The following PIK3C2G variants were observed in gnomAD, a reference collection of about 807,000 sequenced individuals.
PIK3C2G encodes the protein phosphatidylinositol-4-phosphate 3-kinase catalytic subunit type 2 gamma.
A neutral mutation model predicts 181.1 loss-of-function variants in PIK3C2G; 168 were observed. The ratio of observed to expected loss-of-function variants is 0.93; its 90% CI spans 0.82 to 1.05. PIK3C2G has a LOEUF of 1.05. Ranked by LOEUF, PIK3C2G falls within the 50% of genes least tolerant of loss-of-function variation. The pLI is 0.00. For synonymous variants in PIK3C2G, 573 were observed against 592.2 expected, an observed-to-expected ratio of 0.97 and a Z score of 0.47; for missense variants, 1,869 against 1,732.8, an observed-to-expected ratio of 1.08 and a Z score of -1.40.
intron 12 of PIK3C2G, chr12:18,363,219 A>G: frequency 6.2e-6 from 1 of 160,464 alleles, no homozygotes; most frequent in East Asian, 1.7e-4. Context: ...GTCCAGGTGT[A>G]ACAAAGAAAA....
At chr12:18,581,628 G>A (rs913383217) in intron 29 of PIK3C2G, among the ~76,000 whole-genome samples, 2 of 152,186 alleles carry the variant, frequency 1.3e-5, no homozygotes, top group Admixed American at 6.6e-5. Flanking sequence ...GGAGAGTGGG[G>A]CAAGAAGGAG....
At chr12:18,661,938 A>T in the PIK3C2G span, among the ~76,000 whole-genome samples, 1 of 152,190 alleles carries the variant, frequency 6.6e-6, no homozygotes, top group Admixed American at 6.5e-5. Flanking sequence ...ACACATCCAT[A>T]AAAAAAGAAC....
At chr12:18,287,768 G>C (rs1304293670) in intron 3 of PIK3C2G, among the ~76,000 whole-genome samples, 1 of 151,976 alleles carries the variant, frequency 6.6e-6, no homozygotes, top group African/African-American at 2.4e-5. Flanking sequence ...GGAGGCTGAG[G>C]CAGGACAACT....
rs144768468 is a variant in PIK3C2G, at chr12:18,552,671, C to T, written c.3590+6239C>T. ...ATTATTTTTAGTTATAATAACAAAC[C>T]TGAACTAAATTAGCTTTATAAACTA... is the stretch of plus-strand genomic sequence containing the variant. On this transcript the variant is annotated intron_variant, in intron 26 of 32. Coordinates refer to ENST00000538779, the MANE Select transcript of PIK3C2G (RefSeq NM_001288772.2). Among the ~76,000 whole-genome samples, 875 of 152,150 alleles carry T rather than the reference C, an allele frequency of 5.8e-3. 5 individuals are homozygous for T. Among genetic ancestry groups the T allele is most frequent in the African/African-American group, 0.02 (834 of 41,548 alleles).
At chr12:18,484,281 A>G (rs1327913754) in intron 18 of PIK3C2G, among the ~76,000 whole-genome samples, 1 of 152,220 alleles carries the variant, frequency 6.6e-6, no homozygotes, top group East Asian at 1.9e-4. Context: ...CAGTGGGAAC[A>G]TCATGAATAT....
intron 5 of PIK3C2G, among the ~76,000 whole-genome samples, chr12:18,307,701 T>C (rs1280233950): frequency 6.6e-6 from 1 of 151,856 alleles, no homozygotes; most frequent in Non-Finnish European, 1.5e-5. Context: ...CAAATAAAAA[T>C]TCATTTTTTA....
chr12:18,529,180 C>G (rs563436906), intron 24 of PIK3C2G, among the ~76,000 whole-genome samples: 1 of 150,428 alleles, frequency 6.6e-6, no homozygotes, highest in African/African-American at 2.5e-5. Context: ...ATATTAAATT[C>G]ATACCTTTAA....
At chr12:18,490,587 T>C (rs974655458) in intron 19 of PIK3C2G, among the ~76,000 whole-genome samples, 21 of 152,278 alleles carry the variant, frequency 1.4e-4, no homozygotes, top group African/African-American at 4.8e-4. Context: ...ATTAGTTCAA[T>C]TGTTTTAAAT....
At chr12:18,410,028 C>T (rs909895194) in intron 16 of PIK3C2G, among the ~76,000 whole-genome samples, 3 of 152,106 alleles carry the variant, frequency 2.0e-5, no homozygotes, top group African/African-American at 7.2e-5. Context: ...TGAATCACCT[C>T]CCACAAGGCC....
At position 18,559,821 on chromosome 12, in the gene PIK3C2G, T is replaced by TAGAGAG. The variant is rs1171468138; in HGVS notation, c.3591-2842_3591-2837dup. 8.9e-3 allele frequency among the ~76,000 whole-genome samples: 164 copies of TAGAGAG among 18,358 alleles called. 9 individuals are homozygous for TAGAGAG. The highest frequency in any genetic ancestry group is 0.018 in the Admixed American group (18 of 976). The allele number at this position is 18,358 out of a possible 152,430, so 12.0% of individuals were successfully genotyped here. On this transcript the variant is annotated intron_variant, in intron 26 of 32. Coordinates refer to ENST00000538779, the MANE Select transcript of PIK3C2G (RefSeq NM_001288772.2). ...ATATATATATATATATATATATATATAGAGAGAGAGAGAGAGAGAGAGAGA... is the reference window on the plus strand; with the variant it reads ...ATATATATATATATATATATATATATAGAGAGAGAGAGAGAGAGAGAGAGAGAGAGA...
At chr12:18,469,905 A>G (rs1054253137) in intron 18 of PIK3C2G, among the ~76,000 whole-genome samples, 1 of 134,790 alleles carries the variant, frequency 7.4e-6, no homozygotes. Context: ...AAATGCAGCC[A>G]CCTGCTACTC....
intron 32 of PIK3C2G, among the ~76,000 whole-genome samples, chr12:18,646,961 A>AT (rs1369116001): frequency 1.3e-5 from 2 of 152,160 alleles, no homozygotes; most frequent in Non-Finnish European, 2.9e-5. Context: ...TATATACAGC[A>AT]TAATTACAAG....
intron 30 of PIK3C2G, among the ~76,000 whole-genome samples, chr12:18,608,225 A>C (rs914606162): frequency 1.3e-5 from 2 of 152,166 alleles, no homozygotes; most frequent in African/African-American, 4.8e-5. Context: ...CCAAAGGATT[A>C]TAAATCATGC....
the PIK3C2G span, among the ~76,000 whole-genome samples, chr12:18,704,535 A>G: frequency 1.3e-5 from 2 of 152,122 alleles, no homozygotes; most frequent in Non-Finnish European, 2.9e-5. Context: ...CATGTTGCTC[A>G]AGGCTGGTTG....
chr12:18,275,680 C>T (rs1252538840), intron 1 of PIK3C2G, among the ~76,000 whole-genome samples: 5 of 152,180 alleles, frequency 3.3e-5, no homozygotes, highest in African/African-American at 1.2e-4. Flanking sequence ...CATGCCTGGC[C>T]TATCTTCTAT....
intron 29 of PIK3C2G, among the ~76,000 whole-genome samples, chr12:18,590,329 G>A (rs1467859272): frequency 6.6e-6 from 1 of 151,824 alleles, no homozygotes; most frequent in Non-Finnish European, 1.5e-5. Flanking sequence ...AGGATTGATA[G>A]ATATAATATG....
At chr12:18,665,182 A>T in the PIK3C2G span, among the ~76,000 whole-genome samples, 611 of 130,778 alleles carry the variant, frequency 4.7e-3, 5 homozygotes, top group African/African-American at 0.015. Flanking sequence ...AAAAAAAATT[A>T]AAAAAAATAA....
the PIK3C2G span, among the ~76,000 whole-genome samples, chr12:18,691,509 A>G: frequency 6.6e-6 from 1 of 152,146 alleles, no homozygotes; most frequent in East Asian, 1.9e-4. Flanking sequence ...TAACATAAAT[A>G]TCTTAAGGGA....
chr12:18,309,636 T>C (rs568046065), intron 5 of PIK3C2G, among the ~76,000 whole-genome samples: 1 of 151,856 alleles, frequency 6.6e-6, no homozygotes, highest in African/African-American at 2.4e-5. Context: ...GTGCTTTAAC[T>C]GTTTTTCCTA....
Sources: gnomAD v4.1 joint callset for allele counts (sites outside exome capture counted in the v4.1 genomes callset) on GRCh38, gnomAD v4.1.1 for gene constraint, MANE v1.5 for transcripts, NCBI Gene and HGNC (gene_info 2026-07-23, HGNC 2026-07-21) for gene names.